Variants in RUFY2 observed in about 807,000 individuals in gnomAD.
RUFY2 encodes RUN and FYVE domain-containing protein 2.
A neutral mutation model predicts 94.4 loss-of-function variants in RUFY2; 49 were observed. The observed-to-expected ratio is 0.52, with a 90% CI of 0.41 to 0.66. The LOEUF (loss-of-function observed/expected upper bound fraction) is 0.66, where lower values mean the gene tolerates loss of function less well. Among genes scored for constraint, RUFY2 ranks in the 30% least tolerant of loss-of-function variants. RUFY2 has a pLI of 0.00. For missense variants in RUFY2, 541 were observed against 692.8 expected (o/e 0.78, Z 2.46); for synonymous variants, 255 against 235.7 (o/e 1.08, Z -0.75).
chr10:68,407,269 A>G lies in RUFY2; in HGVS notation c.-80T>C. ...TCCTTCCAGGCGCTCGGCGGCCACC[A>G]CCGCATCTGCAGCCAGGCCCGCTGC... On this transcript the variant is annotated 5_prime_UTR_variant, in exon 1 of 18. Coordinates refer to ENST00000602465, the MANE Select transcript of RUFY2 (RefSeq NM_001330103.2). The G allele has an allele frequency of 8.4e-7, 1 of 1,196,722 alleles. No homozygotes were observed. Among genetic ancestry groups the G allele is most frequent in the South Asian group, 2.8e-5 (1 of 35,660 alleles). The allele number at this position is 1,196,722 out of a possible 1,614,324, so 74.1% of individuals were successfully genotyped here.
At chr10:68,381,666 G>A (rs545712871) in intron 10 of RUFY2, among the ~76,000 whole-genome samples, 67 of 152,212 alleles carry the variant, frequency 4.4e-4, no homozygotes, top group African/African-American at 1.4e-3. Flanking sequence ...CCAACATGGT[G>A]AAACTCCGTC....
At chr10:68,361,786 T>C (rs1315336533) in intron 15 of RUFY2, among the ~76,000 whole-genome samples, 1 of 152,230 alleles carries the variant, frequency 6.6e-6, no homozygotes, top group East Asian at 1.9e-4. Context: ...TAATTGAATA[T>C]ATACAAATGA....
At chr10:68,379,691 C>G (rs2048901618) in intron 11 of RUFY2, among the ~76,000 whole-genome samples, 170 bp from the exon 12 acceptor site, 2 of 152,050 alleles carry the variant, frequency 1.3e-5, no homozygotes, top group African/African-American at 4.8e-5. Context: ...GAGTTCTGAT[C>G]TGTTAACCTG....
chr10:68,400,905 C>T (rs1383326003), intron 3 of RUFY2, among the ~76,000 whole-genome samples: 4 of 151,660 alleles, frequency 2.6e-5, no homozygotes, highest in East Asian at 3.9e-4. Flanking sequence ...CCCAGCTACT[C>T]GGGAGGCTGA....
rs912828412 is a variant in RUFY2 at position 68,344,261 on chromosome 10, T to G, written c.*1507A>C. The G allele has an allele frequency of 1.3e-5, 2 of 152,164 alleles. No individual in the cohort carries two copies. The highest frequency in any genetic ancestry group is 4.8e-5 in the African/African-American group (2 of 41,440). The allele number at this position is 152,164 out of a possible 1,614,324, so 9.4% of individuals were successfully genotyped here. On this transcript the variant is annotated 3_prime_UTR_variant, in exon 18 of 18. Coordinates refer to ENST00000602465, the MANE Select transcript of RUFY2 (RefSeq NM_001330103.2). ...TAAATTTCATGGAAGCATATATTCA[T>G]GAAGAAAAGATCCTGCAGTATTAAT...
At chr10:68,380,108 CTTT>C (rs554527515) in intron 11 of RUFY2, among the ~76,000 whole-genome samples, 1 of 141,692 alleles carries the variant, frequency 7.1e-6, no homozygotes, top group African/African-American at 2.6e-5. Context: ...GCACACGGCC[CTTT>C]TTTTTTTTTT....
chr10:68,388,661 C>A (rs2049720545), intron 7 of RUFY2, among the ~76,000 whole-genome samples: 1 of 151,688 alleles, frequency 6.6e-6, no homozygotes, highest in Admixed American at 6.6e-5. Flanking sequence ...ATGGTGAAAC[C>A]CCAGCTCTAT....
chr10:68,399,245 C>T (rs2050634122), intron 3 of RUFY2, among the ~76,000 whole-genome samples: 1 of 151,944 alleles, frequency 6.6e-6, no homozygotes, highest in Admixed American at 6.6e-5. Flanking sequence ...GTGGTTTCGC[C>T]ATGTTGCCCA....
intron 15 of RUFY2, among the ~76,000 whole-genome samples, chr10:68,359,023 T>C (rs923172521): frequency 6.6e-6 from 1 of 152,148 alleles, no homozygotes; most frequent in Non-Finnish European, 1.5e-5. Context: ...CTATGATACA[T>C]ATTGCCTAAG....
intron 3 of RUFY2, among the ~76,000 whole-genome samples, chr10:68,398,377 C>T (rs566629096): frequency 6.6e-6 from 1 of 152,164 alleles, no homozygotes; most frequent in Non-Finnish European, 1.5e-5. Flanking sequence ...AGTGGCCTGG[C>T]GTGGTGGCTC....
chr10:68,405,705 G>T (rs1452236597), intron 1 of RUFY2: 1 of 983,064 alleles, frequency 1.0e-6, no homozygotes, highest in African/African-American at 1.8e-5. Context: ...CAATTCTTTC[G>T]TCTACCCTCT....
intron 6 of RUFY2, chr10:68,393,755 T>C: frequency 6.5e-6 from 2 of 309,592 alleles, no homozygotes; most frequent in Non-Finnish European, 1.2e-5. Context: ...AGTTCGATCT[T>C]GAAGTAAACC....
chr10:68,370,521 C>G (rs2048195456), intron 13 of RUFY2, among the ~76,000 whole-genome samples: 1 of 145,090 alleles, frequency 6.9e-6, no homozygotes, highest in Non-Finnish European at 1.5e-5. Flanking sequence ...GTGGTGTATG[C>G]CTGTAGTCCT....
rs1162082824 is a variant in RUFY2, at chr10:68,406,904, G to C, written c.4+282C>G. 3.2e-6 allele frequency: 5 copies of C among 1,577,744 alleles called. No homozygotes were observed. In the Admixed American group the frequency reaches 9.1e-5, roughly 29 times the overall value. ...CTCCCCGACCCGGGAGTGACACCCT[G>C]CCTGGCCCTGTCCTCGCTCCTGGAC... is the stretch of plus-strand genomic sequence containing the variant. On this transcript the variant is annotated intron_variant, in intron 1 of 17. Coordinates refer to ENST00000602465, the MANE Select transcript of RUFY2 (RefSeq NM_001330103.2).
chr10:68,352,911 C>T (rs1350514625), intron 16 of RUFY2, among the ~76,000 whole-genome samples: 2 of 150,468 alleles, frequency 1.3e-5, no homozygotes, highest in Non-Finnish European at 3.0e-5. Context: ...CAGAGGGAGA[C>T]TCCATCTCAA....
chr10:68,371,603 A>G (rs191970435), intron 13 of RUFY2, among the ~76,000 whole-genome samples: 5,446 of 151,088 alleles, frequency 0.036, 304 homozygotes, highest in African/African-American at 0.12. Flanking sequence ...AAAAAAAAAA[A>G]GACCCAACAT....
Position 68,380,271 on chromosome 10 carries a change from G to A in RUFY2, c.1108-750C>T, listed in dbSNP as rs192457298. On this transcript the variant is annotated intron_variant, in intron 11 of 17. Coordinates refer to ENST00000602465, the MANE Select transcript of RUFY2 (RefSeq NM_001330103.2). ...GTCCTCATTTAAAATGTAATAGGCC[G>A]GGTGCAGTGGCTCTTTGGGAGGCCT... 9.5e-3 allele frequency among the ~76,000 whole-genome samples: 1,451 copies of A among 152,096 alleles called. 11 individuals are homozygous for A. Among genetic ancestry groups the A allele is most frequent in the Non-Finnish European group, 0.015 (1,028 of 67,966 alleles).
At chr10:68,346,108 C>T in intron 16 of RUFY2, 24 bp from the exon 17 acceptor site, 1 of 1,565,044 alleles carries the variant, frequency 6.4e-7, no homozygotes, top group Non-Finnish European at 8.7e-7. Flanking sequence ...AATATTAATG[C>T]TCAAATTGGT....
At chr10:68,376,442 G>GTATATATATA (rs764172830) in intron 13 of RUFY2, among the ~76,000 whole-genome samples, 20 of 27,958 alleles carry the variant, frequency 7.2e-4, no homozygotes, top group Admixed American at 1.2e-3. Context: ...AAAAATGTGT[G>GTATATATATA]TATATATATA....
Sources: allele counts gnomAD v4.1 joint callset (sites outside exome capture counted in the v4.1 genomes callset), GRCh38; gene constraint gnomAD v4.1.1; transcripts MANE v1.5; gene names NCBI Gene and HGNC (gene_info 2026-07-23, HGNC 2026-07-21).